Variants in BICD2 observed in about 807,000 individuals in gnomAD.
BICD2 encodes BICD cargo adaptor 2.
BICD2 carries 25 observed loss-of-function variants against 72.9 expected under a neutral mutation model. The observed-to-expected ratio is 0.34, with a 90% CI of 0.25 to 0.48. The LOEUF is 0.48. BICD2 is among the 20% of genes least tolerant of loss of function. The pLI is 0.99. For synonymous variants in BICD2, 501 were observed against 516.1 expected (o/e 0.97, Z 0.40); for missense variants, 894 against 1,175.2 (o/e 0.76, Z 3.50).
At chr9:92,729,373 CT>C (rs1381821696) in intron 1 of BICD2, 137 bp from the exon 2 acceptor site, 2 of 908,354 alleles carry the variant, frequency 2.2e-6, no homozygotes, top group African/African-American at 3.3e-5. Context: ...GGGAGGCCCC[CT>C]GACCTGGGAG....
intron 2 of BICD2, among the ~76,000 whole-genome samples, chr9:92,726,211 G>A (rs1193370739): frequency 6.6e-6 from 1 of 152,124 alleles, no homozygotes; most frequent in Non-Finnish European, 1.5e-5. Flanking sequence ...ATACCAGTAG[G>A]GTCACCAGAA....
At chr9:92,715,941 C>T (rs1218376341) in intron 6 of BICD2, among the ~76,000 whole-genome samples, 4 of 152,192 alleles carry the variant, frequency 2.6e-5, no homozygotes, top group African/African-American at 7.2e-5. Context: ...GTCGATGCTT[C>T]GTCAGTCTGT....
intron 2 of BICD2, among the ~76,000 whole-genome samples, chr9:92,723,445 G>C (rs72756497): frequency 2.0e-5 from 3 of 152,232 alleles, no homozygotes; most frequent in Non-Finnish European, 2.9e-5. Flanking sequence ...TCTGCTGAGT[G>C]AAAGAAGGCC....
chr9:92,718,413 G>T, intron 5 of BICD2, 126 bp downstream of exon 5: 1 of 1,163,434 alleles, frequency 8.6e-7, no homozygotes, highest in South Asian at 1.6e-5. Context: ...CTACTATGGG[G>T]CTGGCTCTGT....
chr9:92,744,753 A>C (rs957611533), intron 1 of BICD2, among the ~76,000 whole-genome samples: 4 of 152,138 alleles, frequency 2.6e-5, no homozygotes, highest in African/African-American at 2.4e-5. Flanking sequence ...AGGCAGGAGA[A>C]TCACTTGAAC....
intron 1 of BICD2, among the ~76,000 whole-genome samples, chr9:92,737,179 C>T (rs1053731310): frequency 2.6e-5 from 4 of 152,174 alleles, no homozygotes; most frequent in Non-Finnish European, 4.4e-5. Context: ...CAATGTGCCT[C>T]GATTTCCTCA....
chr9:92,740,967 C>T (rs1853886608), intron 1 of BICD2, among the ~76,000 whole-genome samples: 2 of 152,332 alleles, frequency 1.3e-5, no homozygotes, highest in South Asian at 4.1e-4. Flanking sequence ...CACAGCAGGT[C>T]TTGAGCTCAG....
In BICD2 at chr9:92,713,125, G is replaced by A. The variant is rs763593674; in HGVS notation, c.*2029C>T. 1.2e-5 allele frequency: 4 copies of A among 341,340 alleles called. No homozygotes were observed. The highest frequency in any genetic ancestry group is 5.3e-5 in the South Asian group (1 of 18,696). 21.1% of individuals were successfully genotyped at this position (341,340 alleles called of 1,614,324 possible). On this transcript the variant is annotated 3_prime_UTR_variant, in exon 7 of 7. Coordinates refer to ENST00000356884, the MANE Select transcript of BICD2 (RefSeq NM_001003800.2). ...AATATCAAAAGTGCACAGGTTGATC[G>A]GATAAAAAAAGAACATGTGTAACAA...
chr9:92,743,556 TTAAGTA>T (rs1486114670), intron 1 of BICD2, among the ~76,000 whole-genome samples: 2 of 152,170 alleles, frequency 1.3e-5, no homozygotes, highest in African/African-American at 4.8e-5. Flanking sequence ...ATAAGTCTCC[TTAAGTA>T]TATTATTTCA....
intron 2 of BICD2, among the ~76,000 whole-genome samples, chr9:92,727,606 A>C (rs1853592567): frequency 1.3e-5 from 2 of 152,192 alleles, no homozygotes; most frequent in Non-Finnish European, 2.9e-5. Context: ...ACTGCAGCTC[A>C]CGTGCCAACT....
chr9:92,761,160 G>A (rs1450501426), intron 1 of BICD2, among the ~76,000 whole-genome samples: 1 of 152,094 alleles, frequency 6.6e-6, no homozygotes, highest in African/African-American at 2.4e-5. Flanking sequence ...GCACAGGAGA[G>A]GTAGGGCAGT....
intron 1 of BICD2, among the ~76,000 whole-genome samples, chr9:92,763,996 C>G (rs969192023): frequency 6.6e-6 from 1 of 152,214 alleles, no homozygotes; most frequent in African/African-American, 2.4e-5. Context: ...ATGAAAGAAG[C>G]AGAAACGCTC....
At position 92,764,310 on chromosome 9, in the gene BICD2, T is replaced by C. The variant is rs1184355182; in HGVS notation, c.240+195A>G. ...CCCGGACCCCTGCATTAGCGGCGTC[T>C]GCAACGGCCGCGGCACCGGCCTGCT... On this transcript the variant is annotated intron_variant, in intron 1 of 6. Coordinates refer to ENST00000356884, the MANE Select transcript of BICD2 (RefSeq NM_001003800.2). This position sits in a 1 kb window ranked among gnomAD's most constrained non-coding sequence, Gnocchi z 5.5. Among the ~76,000 whole-genome samples, 2 of 152,108 alleles carry C rather than the reference T, an allele frequency of 1.3e-5. No individual in the cohort carries two copies. Among genetic ancestry groups the C allele is most frequent in the Non-Finnish European group, 2.9e-5 (2 of 67,992 alleles).
In BICD2 at chr9:92,720,877, CA is replaced by C; in HGVS notation, c.607-123del. 2 of 1,058,572 alleles carry C rather than the reference CA, an allele frequency of 1.9e-6. No individual in the cohort carries two copies. The allele number at this position is 1,058,572 out of a possible 1,614,324, so 65.6% of individuals were successfully genotyped here. ...CACTATGAAGCAAAAGATGAAGCGCCAGGTGAGGTGCCATCCTGGGAAGGGT... is the reference window on the plus strand; with the variant it reads ...CACTATGAAGCAAAAGATGAAGCGCCGGTGAGGTGCCATCCTGGGAAGGGT... On this transcript the variant is annotated intron_variant, in intron 3 of 6. Coordinates refer to ENST00000356884, the MANE Select transcript of BICD2 (RefSeq NM_001003800.2). This position sits in a 1 kb window ranked among gnomAD's most constrained non-coding sequence, Gnocchi z 5.4.
At chr9:92,736,977 G>A (rs1003199954) in intron 1 of BICD2, among the ~76,000 whole-genome samples, 1 of 152,174 alleles carries the variant, frequency 6.6e-6, no homozygotes, top group Non-Finnish European at 1.5e-5. Context: ...TCCAACAGAT[G>A]AGCCCAGTGC....
chr9:92,758,204 A>AAATAAT (rs147701766), intron 1 of BICD2, among the ~76,000 whole-genome samples: 26 of 144,482 alleles, frequency 1.8e-4, no homozygotes, highest in South Asian at 4.4e-4. Context: ...ACTCTGTCTC[A>AAATAAT]AATAATAATA....
intron 2 of BICD2, among the ~76,000 whole-genome samples, chr9:92,725,400 C>A (rs1168192230): frequency 6.6e-6 from 1 of 152,270 alleles, no homozygotes; most frequent in African/African-American, 2.4e-5. Context: ...CATGCCCACA[C>A]TACTGGGCGT....
intron 4 of BICD2, among the ~76,000 whole-genome samples, chr9:92,719,791 G>A (rs989850873): frequency 2.0e-5 from 3 of 152,212 alleles, no homozygotes; most frequent in African/African-American, 7.2e-5. Flanking sequence ...AACACTAACC[G>A]TCACCAGTAA....
At chr9:92,745,263 C>T (rs1853986225) in intron 1 of BICD2, among the ~76,000 whole-genome samples, 1 of 152,084 alleles carries the variant, frequency 6.6e-6, no homozygotes, top group Non-Finnish European at 1.5e-5. Context: ...TCGCAGGGCA[C>T]ACTGGGATGG....
Sources: gnomAD v4.1 joint callset for allele counts (sites outside exome capture counted in the v4.1 genomes callset) on GRCh38, gnomAD v4.1.1 for gene constraint, Gnocchi (gnomAD v3.1) non-coding constraint, MANE v1.5 for transcripts, NCBI Gene and HGNC (gene_info 2026-07-23, HGNC 2026-07-21) for gene names.